The following TBC1D5 variants were observed in gnomAD, a reference collection of about 807,000 sequenced individuals.
TBC1D5 encodes the protein TBC1 domain family, member 5.
A neutral mutation model predicts 100.3 loss-of-function variants in TBC1D5; 75 were observed. That is an observed-to-expected ratio of 0.75 (90% CI 0.62 to 0.91). The LOEUF (loss-of-function observed/expected upper bound fraction) is 0.91. Ranked by LOEUF, TBC1D5 falls within the 40% of genes least tolerant of loss-of-function variation. The pLI is 0.00. For synonymous variants in TBC1D5, 323 were observed against 325.6 expected (o/e 0.99, Z 0.09); for missense variants, 910 against 942.4 (o/e 0.97, Z 0.45).
chr3:17,358,461 C>T lies in TBC1D5; in HGVS notation c.995+13614G>A, dbSNP rs143076555. 7.9e-5 allele frequency among the ~76,000 whole-genome samples: 12 copies of T among 152,296 alleles called. No homozygotes were observed. In the East Asian group the frequency reaches 1.9e-3, roughly 25 times the overall value. On this transcript the variant is annotated intron_variant, in intron 13 of 21. Coordinates refer to ENST00000253692, the Ensembl canonical transcript of TBC1D5. ...TCGGCCTCCCAAAGTGCTGGGATTA[C>T]AGGCGTGAGCCATTGTGCCTGGCCC... is the stretch of plus-strand genomic sequence containing the variant.
rs567467804 is a variant in TBC1D5 at position 17,208,004 on chromosome 3, A to G, written c.1752+6203T>C. Among the ~76,000 whole-genome samples, 12 of 152,308 alleles carry G rather than the reference A, an allele frequency of 7.9e-5. No homozygotes were observed. In the South Asian group the frequency reaches 2.3e-3, roughly 29 times the overall value. ...GATGTCTTTGCTTTCATTTCTGGCC[A>G]CTGGTTTGTGTAAGAAATTTAACTG... On this transcript the variant is annotated intron_variant, in intron 18 of 21. Coordinates refer to ENST00000253692, the Ensembl canonical transcript of TBC1D5.
At chr3:17,200,245 T>C (rs1307151416) in intron 18 of TBC1D5, among the ~76,000 whole-genome samples, 3 of 152,216 alleles carry the variant, frequency 2.0e-5, no homozygotes, top group African/African-American at 7.2e-5. Flanking sequence ...GATAAGGCCA[T>C]AGATAGAACT....
chr3:17,564,409 G>A (rs750281103), intron 2 of TBC1D5, among the ~76,000 whole-genome samples: 1 of 152,022 alleles, frequency 6.6e-6, no homozygotes, highest in Non-Finnish European at 1.5e-5. Context: ...AACATTGGAG[G>A]CAAAAATATA....
chr3:17,424,313 C>T (rs371958353), intron 4 of TBC1D5, among the ~76,000 whole-genome samples: 3 of 152,038 alleles, frequency 2.0e-5, no homozygotes, highest in East Asian at 1.9e-4. Context: ...CCTCTTTTGG[C>T]GAGGAGAAGG....
intron 2 of TBC1D5, among the ~76,000 whole-genome samples, chr3:17,533,102 C>T (rs2096249130): frequency 6.6e-6 from 1 of 151,064 alleles, no homozygotes; most frequent in Admixed American, 6.6e-5. Flanking sequence ...CACACACACA[C>T]ACACTTCCAA....
chr3:17,504,324 T>C (rs1438829407), intron 3 of TBC1D5, among the ~76,000 whole-genome samples: 1 of 146,534 alleles, frequency 6.8e-6, no homozygotes, highest in East Asian at 2.1e-4. Flanking sequence ...TTGGGAGATA[T>C]ACCTAATGCT....
chr3:17,585,808 G>A (rs1043256997), intron 2 of TBC1D5, among the ~76,000 whole-genome samples: 19 of 151,906 alleles, frequency 1.3e-4, no homozygotes, highest in Admixed American at 2.6e-4. Context: ...TTTTTGTTTC[G>A]GTTTCATTTA....
intron 17 of TBC1D5, among the ~76,000 whole-genome samples, chr3:17,222,689 T>C (rs2074414022): frequency 6.6e-6 from 1 of 152,170 alleles, no homozygotes; most frequent in Non-Finnish European, 1.5e-5. Context: ...TTGTAAATCT[T>C]TTATGGGGTT....
chr3:17,466,758 C>A (rs998745125), intron 3 of TBC1D5, among the ~76,000 whole-genome samples: 22 of 149,190 alleles, frequency 1.5e-4, no homozygotes, highest in African/African-American at 4.9e-4. Flanking sequence ...ACCTTATATG[C>A]AAAATTACTT....
intron 1 of TBC1D5, among the ~76,000 whole-genome samples, chr3:17,731,353 T>C (rs537597738): frequency 6.6e-6 from 1 of 152,018 alleles, no homozygotes; most frequent in Non-Finnish European, 1.5e-5. Flanking sequence ...ATACAAAAAT[T>C]TGCTGGGCAT....
intron 4 of TBC1D5, among the ~76,000 whole-genome samples, chr3:17,415,221 A>C (rs1036941942): frequency 3.3e-5 from 5 of 152,120 alleles, no homozygotes; most frequent in African/African-American, 9.7e-5. Flanking sequence ...CAGTGGCGCT[A>C]TCTCTGCTCA....
chr3:17,662,382 GT>G (rs893341885), intron 1 of TBC1D5, among the ~76,000 whole-genome samples: 1 of 152,208 alleles, frequency 6.6e-6, no homozygotes, highest in Non-Finnish European at 1.5e-5. Context: ...AGAGGAGGAG[GT>G]TACCTGGAAA....
intron 13 of TBC1D5, among the ~76,000 whole-genome samples, chr3:17,326,527 T>C (rs557656816): frequency 4.5e-4 from 68 of 152,326 alleles, no homozygotes; most frequent in Non-Finnish European, 7.9e-4. Context: ...GGCTGGAGTA[T>C]AGCTGTACAA....
At chr3:17,481,105 C>T (rs1036370016) in intron 3 of TBC1D5, among the ~76,000 whole-genome samples, 7 of 152,286 alleles carry the variant, frequency 4.6e-5, no homozygotes, top group Admixed American at 1.3e-4. Context: ...TCCAAGCTTC[C>T]GGGTGCCATC....
chr3:17,161,155 G>T lies in TBC1D5; in HGVS notation c.2196C>A (p.Ser732=), dbSNP rs145279379. 96 of 1,614,196 alleles carry T rather than the reference G, an allele frequency of 5.9e-5. No homozygotes were observed. The African/African-American group carries it at 1.1e-3, about 18-fold the overall frequency. ...GGGTGCGAAGAGGCTGGGCCTGGCC[G>T]GAGAAGGAGCCCCTGGCACTGCTCC... Residue 732 remains serine, a synonymous_variant, in exon 22 of 22, where the codon TCC becomes TCA. Coordinates refer to ENST00000253692, the Ensembl canonical transcript of TBC1D5.
At chr3:17,421,795 C>G (rs1456653449) in intron 4 of TBC1D5, among the ~76,000 whole-genome samples, 1 of 152,158 alleles carries the variant, frequency 6.6e-6, no homozygotes, top group African/African-American at 2.4e-5. Context: ...GAGCTAAGAT[C>G]TAGACTTTAG....
chr3:17,706,507 T>C (rs1377153452), intron 1 of TBC1D5, among the ~76,000 whole-genome samples: 2 of 152,162 alleles, frequency 1.3e-5, no homozygotes, highest in Non-Finnish European at 2.9e-5. Flanking sequence ...GCTTGACCCT[T>C]ACAATGTATC....
At chr3:17,437,781 G>C (rs1161821624) in intron 3 of TBC1D5, among the ~76,000 whole-genome samples, 1 of 151,926 alleles carries the variant, frequency 6.6e-6, no homozygotes, top group Admixed American at 6.6e-5. Flanking sequence ...CACTTTAAAG[G>C]GTTCCCTAGA....
At chr3:17,415,606 T>C (rs1021553360) in intron 4 of TBC1D5, among the ~76,000 whole-genome samples, 2 of 152,094 alleles carry the variant, frequency 1.3e-5, no homozygotes, top group African/African-American at 4.8e-5. Flanking sequence ...TATCACAAAC[T>C]TTTTGATTTT....
Sources: allele counts gnomAD v4.1 joint callset (sites outside exome capture counted in the v4.1 genomes callset), GRCh38; gene constraint gnomAD v4.1.1; transcripts MANE v1.5; gene names NCBI Gene and HGNC (gene_info 2026-07-23, HGNC 2026-07-21).